The following S100A13 variants were observed in gnomAD, a reference collection of about 807,000 sequenced individuals.
S100A13 encodes the protein S100 calcium binding protein A13.
A neutral mutation model predicts 8.2 loss-of-function variants in S100A13; 6 were observed. That is an observed-to-expected ratio of 0.73 (90% CI 0.40 to 1.44). S100A13 has a LOEUF of 1.44. Among genes scored for constraint, S100A13 ranks in the 40% most tolerant of loss-of-function variants. The probability of loss-of-function intolerance (pLI) is 0.02; values close to 1 mark genes in which losing one functional copy is unlikely to be tolerated. For synonymous variants in S100A13, 39 were observed against 45.9 expected (o/e 0.85, Z 0.61); for missense variants, 114 against 113.6 (o/e 1.00, Z -0.02).
chr1:153,622,966 T>C (rs1667365771), intron 2 of S100A13, among the ~76,000 whole-genome samples: 1 of 152,294 alleles, frequency 6.6e-6, no homozygotes, highest in Non-Finnish European at 1.5e-5. Context: ...GGCACATGCC[T>C]GTAGTCCCAG....
chr1:153,634,234 C>G (rs938591199), upstream of S100A13: 3 of 152,734 alleles, frequency 2.0e-5, no homozygotes, highest in Admixed American at 6.5e-5. Flanking sequence ...AACCGCCCAT[C>G]TAGCTAACCC....
At chr1:153,628,719 A>T, upstream of S100A13, 1 of 776,390 alleles carries the variant, frequency 1.3e-6, no homozygotes, top group Non-Finnish European at 1.9e-6. Flanking sequence ...CTGGCAGCTC[A>T]GCAAAGGAGG....
At chr1:153,628,502 T>C, upstream of S100A13, 1 of 1,550,618 alleles carries the variant, frequency 6.4e-7, no homozygotes, top group Non-Finnish European at 8.7e-7. Context: ...CAACCGTGAG[T>C]ACCCTGCCCC....
chr1:153,628,231 C>T (rs1260876792), upstream of S100A13: 1 of 1,544,418 alleles, frequency 6.5e-7, no homozygotes, highest in African/African-American at 1.4e-5. Context: ...GCACCATCCA[C>T]TGCTGCCTGG....
At chr1:153,628,833 G>A (rs1226132722), upstream of S100A13, 6 of 343,344 alleles carry the variant, frequency 1.7e-5, no homozygotes. Context: ...GTGTTGGGAA[G>A]GGTCCCAGCC....
chr1:153,631,860 C>T, upstream of S100A13: 1 of 1,610,922 alleles, frequency 6.2e-7, no homozygotes, highest in Non-Finnish European at 8.5e-7. Context: ...CCACATTGGG[C>T]AGCGCCCTTC....
chr1:153,623,380 C>T (rs1453535967), intron 2 of S100A13, among the ~76,000 whole-genome samples: 5 of 150,166 alleles, frequency 3.3e-5, no homozygotes, highest in Admixed American at 2.7e-4. Context: ...CTCCTATTTT[C>T]GTTTCCTTTT....
upstream of S100A13, chr1:153,631,492 A>C: frequency 6.2e-7 from 1 of 1,608,286 alleles, no homozygotes. Flanking sequence ...AACTGGTGTC[A>C]TTATTATTCA....
chr1:153,619,163 T>C, intron 2 of S100A13, 125 bp from the exon 3 acceptor site: 1 of 869,354 alleles, frequency 1.2e-6, no homozygotes, highest in Non-Finnish European at 1.8e-6. Context: ...CACCTGCCCC[T>C]TCTCTAAAGA....
Position 153,626,324 on chromosome 1 carries a change from A to G in S100A13, c.149T>C (p.Leu50Pro). The G allele has an allele frequency of 6.2e-7, 1 of 1,614,052 alleles. No individual in the cohort carries two copies. Among genetic ancestry groups the G allele is most frequent in the Non-Finnish European group, 8.5e-7 (1 of 1,179,912 alleles). The change falls in exon 2 of 3, where the codon CTC (leucine) becomes CCC (proline). Residue 50 changes from leucine (L) to proline (P), a missense_variant. Coordinates refer to ENST00000476133, the MANE Select transcript of S100A13 (RefSeq NM_001024211.2). ...ELVTQQLPHLLKDVGSLDEKM... is the reference protein window; with the variant it reads ...ELVTQQLPHLPKDVGSLDEKM... ...CAGTCCCAGACTTCTGCCTACCTTG[A>G]GCAGATGGGGCAACTGCTGGGTAAC...
At chr1:153,628,889 C>T (rs1239914041), upstream of S100A13, 4 of 198,800 alleles carry the variant, frequency 2.0e-5, no homozygotes, top group East Asian at 4.7e-4. Flanking sequence ...GCAGATACAA[C>T]AGCTGTTTCT....
chr1:153,628,315 G>GC, upstream of S100A13: 1 of 1,503,872 alleles, frequency 6.6e-7, no homozygotes, highest in Non-Finnish European at 9.0e-7. Context: ...GACAGAGGGC[G>GC]CCTCTGTCTG....
At chr1:153,631,654 TA>T (rs1230168145), upstream of S100A13, 1 of 1,613,868 alleles carries the variant, frequency 6.2e-7, no homozygotes, top group Non-Finnish European at 8.5e-7. Flanking sequence ...CTCAGTGCTG[TA>T]CCCTTCCCTA....
upstream of S100A13, chr1:153,628,525 C>T (rs1321381094): frequency 1.7e-5 from 27 of 1,549,966 alleles, no homozygotes; most frequent in Non-Finnish European, 2.4e-5. Context: ...TGGGCTAGTC[C>T]CTGGCCTGCC....
At chr1:153,622,038 G>A (rs1667292885) in intron 2 of S100A13, among the ~76,000 whole-genome samples, 1 of 151,886 alleles carries the variant, frequency 6.6e-6, no homozygotes, top group Non-Finnish European at 1.5e-5. Context: ...ATATAAACTG[G>A]TACAACTTTT....
intron 2 of S100A13, among the ~76,000 whole-genome samples, chr1:153,624,980 TAAGAGAAC>T (rs1667514657): frequency 6.6e-6 from 1 of 151,914 alleles, no homozygotes; most frequent in African/African-American, 2.4e-5. Flanking sequence ...GAGGCTGAGG[TAAGAGAAC>T]CACTTGAACC....
upstream of S100A13, chr1:153,631,552 C>T (rs1557931966): frequency 6.2e-7 from 1 of 1,613,910 alleles, no homozygotes; most frequent in Admixed American, 1.7e-5. Context: ...GCCCTCAAGA[C>T]CTTTGAGGAG....
At chr1:153,632,186 G>A (rs1668053116), upstream of S100A13, 1 of 198,324 alleles carries the variant, frequency 5.0e-6, no homozygotes, top group Non-Finnish European at 1.0e-5. Flanking sequence ...TCAAGGTCCA[G>A]AAATGTGGGG....
At chr1:153,620,060 GC>G (rs1438765929) in intron 2 of S100A13, among the ~76,000 whole-genome samples, 1 of 152,054 alleles carries the variant, frequency 6.6e-6, no homozygotes, top group African/African-American at 2.4e-5. Context: ...GCTGAGGTGG[GC>G]GGATCACTTG....
Sources: allele counts gnomAD v4.1 joint callset (sites outside exome capture counted in the v4.1 genomes callset), GRCh38; gene constraint gnomAD v4.1.1; transcripts MANE v1.5; gene names NCBI Gene and HGNC (gene_info 2026-07-23, HGNC 2026-07-21).